The following GNA11 variants were observed in gnomAD, a reference collection of about 807,000 sequenced individuals.
GNA11 encodes the protein guanine nucleotide-binding protein subunit alpha-11.
A neutral mutation model predicts 38.2 loss-of-function variants in GNA11; 8 were observed. The ratio of observed to expected loss-of-function variants is 0.21; its 90% CI spans 0.12 to 0.38. The LOEUF (loss-of-function observed/expected upper bound fraction) is 0.38. Ranked by LOEUF, GNA11 falls within the 10% of genes least tolerant of loss-of-function variation. The pLI, the probability that GNA11 is intolerant of heterozygous loss-of-function variation, is 1.00. For missense variants in GNA11, 268 were observed against 516.3 expected, an observed-to-expected ratio of 0.52 and a Z score of 4.66; for synonymous variants, 211 against 221.4, an observed-to-expected ratio of 0.95 and a Z score of 0.42.
intron 3 of GNA11, among the ~76,000 whole-genome samples, chr19:3,113,686 G>GACTCTGGT (rs1359572560): frequency 6.6e-6 from 1 of 152,204 alleles, no homozygotes; most frequent in Non-Finnish European, 1.5e-5. Context: ...GGAGCCGGTG[G>GACTCTGGT]ACTCTGGTGT....
chr19:3,114,002 C>G (rs578186095), intron 3 of GNA11, among the ~76,000 whole-genome samples: 2 of 152,160 alleles, frequency 1.3e-5, no homozygotes, highest in African/African-American at 4.8e-5. Flanking sequence ...GGGCCATGGC[C>G]GCAGGTGGAG....
At chr19:3,098,038 T>C (rs900393884) in intron 1 of GNA11, among the ~76,000 whole-genome samples, 1 of 152,350 alleles carries the variant, frequency 6.6e-6, no homozygotes, top group East Asian at 1.9e-4. Context: ...TGAGGGATAA[T>C]GAGTGCAAAT....
chr19:3,095,121 G>C (rs1180518782), intron 1 of GNA11, among the ~76,000 whole-genome samples: 1 of 152,072 alleles, frequency 6.6e-6, no homozygotes, highest in African/African-American at 2.4e-5. Flanking sequence ...TCCGGGGTCA[G>C]CTGCGGGCCC....
At chr19:3,103,519 C>CGTTTTTTTTTTTTTT (rs1370578226) in intron 1 of GNA11, among the ~76,000 whole-genome samples, 1 of 45,800 alleles carries the variant, frequency 2.2e-5, no homozygotes, top group Non-Finnish European at 4.0e-5. Context: ...GGCCTTGAAT[C>CGTTTTTTTTTTTTTT]TTTTTTTTTT....
intron 1 of GNA11, among the ~76,000 whole-genome samples, chr19:3,107,986 G>T (rs1437346572): frequency 6.6e-6 from 1 of 152,206 alleles, no homozygotes; most frequent in African/African-American, 2.4e-5. Context: ...TGGATGAGGT[G>T]AGGGCTGAGA....
chr19:3,120,158 A>G lies in GNA11; in HGVS notation c.889+799A>G, dbSNP rs1267243991. On this transcript the variant is annotated intron_variant, in intron 6 of 6. Transcript: ENST00000078429. This position sits in a 1 kb window ranked among gnomAD's most constrained non-coding sequence, Gnocchi z 5.9. ...GGTGTCATCTTCGGGAGGGCCCCTC[A>G]GGGTGCCCTGCCTCTGGATGTGCAG... Among the ~76,000 whole-genome samples, 1 of 152,066 alleles carries G rather than the reference A, an allele frequency of 6.6e-6. No individual in the cohort carries two copies. The highest frequency in any genetic ancestry group is 1.5e-5 in the Non-Finnish European group (1 of 67,976).
In GNA11 at chr19:3,094,637, G is replaced by T. The variant is rs1913316233; in HGVS notation, c.-15G>T. On this transcript the variant is annotated 5_prime_UTR_variant, in exon 1 of 7. Coordinates refer to ENST00000078429, the MANE Select transcript of GNA11 (RefSeq NM_002067.5). The surrounding 1 kb of genome is among the most constrained non-coding windows in gnomAD (Gnocchi z 6.0). Reference sequence around the variant, plus strand: ...CGGCGGCGGGCAGGCGGCCGCGTCGGCCGGGGCCGGGACGATGACTCTGGA... The same window carrying T: ...CGGCGGCGGGCAGGCGGCCGCGTCGTCCGGGGCCGGGACGATGACTCTGGA... 1.6e-6 allele frequency: 2 copies of T among 1,262,750 alleles called. No homozygotes were observed. Among genetic ancestry groups the T allele is most frequent in the South Asian group, 5.3e-5 (2 of 37,750 alleles). 78.2% of individuals were successfully genotyped at this position (1,262,750 alleles called of 1,614,324 possible).
chr19:3,106,505 C>T (rs990757207), intron 1 of GNA11, among the ~76,000 whole-genome samples: 6 of 152,232 alleles, frequency 3.9e-5, no homozygotes, highest in South Asian at 2.1e-4. Flanking sequence ...ACCAGAGGCC[C>T]GGGGCCACCT....
In GNA11 at chr19:3,121,312, T is replaced by C. The variant is rs1914067391; in HGVS notation, c.*133T>C. 3.2e-6 allele frequency: 2 copies of C among 621,098 alleles called. No individual in the cohort carries two copies. The highest frequency in any genetic ancestry group is 6.4e-4 in the Middle Eastern group (2 of 3,144). The allele number at this position is 621,098 out of a possible 1,614,324, so 38.5% of individuals were successfully genotyped here. A position where few individuals can be genotyped will look rare whatever the true frequency, so the allele number is the denominator to read the frequency against. ...GCCCGCGGGAGGAGATTTTTTTTTT[T>C]CATATTTTTAACAAATGGTTTTTAT... On this transcript the variant is annotated 3_prime_UTR_variant, in exon 7 of 7. Transcript: ENST00000078429.
rs904419341 is a variant in GNA11 at position 3,122,684 on chromosome 19, C to T, written c.*1505C>T. ...CGCCTGTGCTGCCTTCGCCCGCCGC[C>T]ACACCGGGACCCTGCACGGCTGCTT... On this transcript the variant is annotated 3_prime_UTR_variant, in exon 7 of 7. Transcript: ENST00000078429. The surrounding 1 kb of genome is among the most constrained non-coding windows in gnomAD (Gnocchi z 7.7). The T allele has an allele frequency of 2.9e-4, 67 of 233,606 alleles. No homozygotes were observed. The highest frequency in any genetic ancestry group is 4.2e-4 in the Non-Finnish European group (50 of 118,320). 14.5% of individuals were successfully genotyped at this position (233,606 alleles called of 1,614,324 possible).
chr19:3,096,082 G>T (rs1018235770), intron 1 of GNA11, among the ~76,000 whole-genome samples: 1 of 152,206 alleles, frequency 6.6e-6, no homozygotes, highest in Admixed American at 6.5e-5. Flanking sequence ...GGAGGAGGGG[G>T]CGTGCTGGTG....
At chr19:3,095,494 G>A (rs557522316) in intron 1 of GNA11, among the ~76,000 whole-genome samples, 2 of 150,462 alleles carry the variant, frequency 1.3e-5, no homozygotes, top group South Asian at 4.2e-4. Context: ...CTCCATGCAG[G>A]CCCTGTACCC....
Position 3,123,143 on chromosome 19 carries a change from G to A in GNA11, c.*1964G>A, listed in dbSNP as rs367898540. 3.4e-5 allele frequency: 8 copies of A among 233,172 alleles called. No individual in the cohort carries two copies. Among genetic ancestry groups the A allele is most frequent in the African/African-American group, 1.8e-4 (8 of 45,370 alleles). 14.4% of individuals were successfully genotyped at this position (233,172 alleles called of 1,614,324 possible). ...TTCCAGCAGCGGAGCCCTCTGGGGGGCCTGTGCTTGTGGCATCTCTGAGGG... is the reference window on the plus strand; with the variant it reads ...TTCCAGCAGCGGAGCCCTCTGGGGGACCTGTGCTTGTGGCATCTCTGAGGG... On this transcript the variant is annotated 3_prime_UTR_variant, in exon 7 of 7. Transcript: ENST00000078429.
rs749736419 is a variant in GNA11 at position 3,108,129 on chromosome 19, G to A, written c.137-2020G>A. On this transcript the variant is annotated intron_variant, in intron 1 of 6. Coordinates refer to ENST00000078429, the MANE Select transcript of GNA11 (RefSeq NM_002067.5). The surrounding 1 kb of genome is among the most constrained non-coding windows in gnomAD (Gnocchi z 4.5). The stretch of plus-strand genomic sequence containing the variant: ...ACTCGGGATGTGTTGGGTGTTTTGC[G>A]AGACCCCCCACAGGGAGCTCAGGTG... Among the ~76,000 whole-genome samples the A allele has an allele frequency of 2.0e-5, 3 of 152,208 alleles. No homozygotes were observed. Among genetic ancestry groups the A allele is most frequent in the African/African-American group, 4.8e-5 (2 of 41,460 alleles).
chr19:3,121,454 TAAAAA>T lies in GNA11; in HGVS notation c.*287_*291del. The T allele has an allele frequency of 5.1e-6, 1 of 195,678 alleles. No individual in the cohort carries two copies. Among genetic ancestry groups the T allele is most frequent in the Non-Finnish European group, 9.7e-6 (1 of 102,740 alleles). 12.1% of individuals were successfully genotyped at this position (195,678 alleles called of 1,614,324 possible). A position where few individuals can be genotyped will look rare whatever the true frequency, so the allele number is the denominator to read the frequency against. On this transcript the variant is annotated 3_prime_UTR_variant, in exon 7 of 7. Transcript: ENST00000078429. Reference sequence around the variant, plus strand: ...CCTTGACTTATGGCTCGCTTTTTTCTAAAAAAAAAAAAAAAAGAAAGAAAGAAAAA... The same window carrying T: ...CCTTGACTTATGGCTCGCTTTTTTCTAAAAAAAAAAAGAAAGAAAGAAAAA...
Position 3,110,009 on chromosome 19 carries a change from C to A in GNA11, c.137-140C>A, listed in dbSNP as rs960978175. The A allele has an allele frequency of 3.2e-6, 2 of 628,518 alleles. No individual in the cohort carries two copies. Among genetic ancestry groups the A allele is most frequent in the African/African-American group, 3.7e-5 (2 of 54,396 alleles). 38.9% of individuals were successfully genotyped at this position (628,518 alleles called of 1,614,324 possible). ...CCGAGGAGTCAGGAGGCCGTGGCGT[C>A]TGGTGGAGAGACGGTCAGCCTCACG... On this transcript the variant is annotated intron_variant, in intron 1 of 6. Transcript: ENST00000078429. The surrounding 1 kb of genome is among the most constrained non-coding windows in gnomAD (Gnocchi z 5.4).
intron 3 of GNA11, 56 bp from the exon 4 acceptor site, chr19:3,114,888 C>T (rs2145320502): frequency 1.3e-6 from 2 of 1,542,940 alleles, no homozygotes; most frequent in East Asian, 2.3e-5. Context: ...TGCTGTGTCC[C>T]TGTCCTGCCC....
In GNA11 at chr19:3,119,328, G is replaced by A. The variant is rs118125169; in HGVS notation, c.858G>A (p.Ser286=). 2.5e-6 allele frequency: 4 copies of A among 1,613,796 alleles called. No individual in the cohort carries two copies. The highest frequency in any genetic ancestry group is 1.1e-5 in the South Asian group (1 of 91,080). Residue 286 remains serine, a synonymous_variant, in exon 6 of 7, where the codon TCG becomes TCA. Coordinates refer to ENST00000078429, the MANE Select transcript of GNA11 (RefSeq NM_002067.5). The surrounding 1 kb of genome is among the most constrained non-coding windows in gnomAD (Gnocchi z 4.6). ...KDLLEDKILY[S]HLVDYFPEFD... is the part of the protein sequence containing the mutation. The stretch of plus-strand genomic sequence containing the variant: ...TGCTGGAGGACAAGATCCTGTACTC[G>A]CACCTGGTGGACTACTTCCCCGAGT...
intron 1 of GNA11, among the ~76,000 whole-genome samples, chr19:3,096,827 G>A (rs1057108099): frequency 3.3e-5 from 5 of 152,174 alleles, no homozygotes; most frequent in Admixed American, 3.3e-4. Flanking sequence ...GAGCTCACGT[G>A]CGACCCAAGG....
Sources: gnomAD v4.1 joint callset for allele counts (sites outside exome capture counted in the v4.1 genomes callset) on GRCh38, gnomAD v4.1.1 for gene constraint, Gnocchi (gnomAD v3.1) non-coding constraint, MANE v1.5 for transcripts, NCBI Gene and HGNC (gene_info 2026-07-23, HGNC 2026-07-21) for gene names.